Variants in SMG7 observed in about 807,000 individuals in gnomAD.
SMG7 encodes SMG7 nonsense mediated mRNA decay factor, also known as nonsense-mediated mRNA decay factor SMG7.
A neutral mutation model predicts 148.2 loss-of-function variants in SMG7; 34 were observed. The ratio of observed to expected loss-of-function variants is 0.23; its 90% CI spans 0.17 to 0.31. The LOEUF is 0.31. Ranked by LOEUF, SMG7 falls within the 10% of genes least tolerant of loss-of-function variation. The pLI is 1.00. For missense variants in SMG7, 1,114 were observed against 1,408.4 expected (o/e 0.79, Z 3.35); for synonymous variants, 492 against 515.1 (o/e 0.96, Z 0.61).
At chr1:183,472,832 C>T (rs1651023822) in intron 1 of SMG7, 183 bp downstream of exon 1, 2 of 458,262 alleles carry the variant, frequency 4.4e-6, no homozygotes, top group African/African-American at 2.0e-5. Flanking sequence ...GGTGCCTAGC[C>T]CCTACCGCCC....
chr1:183,546,104 C>T lies in SMG7; in HGVS notation c.2509C>T (p.Pro837Ser), dbSNP rs772485924. The T allele has an allele frequency of 1.9e-6, 3 of 1,614,026 alleles. No individual in the cohort carries two copies. The highest frequency in any genetic ancestry group is 2.2e-5 in the South Asian group (2 of 91,074). ...PIKLFEPSLQ[P>S]PVMQQQPLEK... ...AAAACTGTTTGAGCCGTCATTGCAA[C>T]CTCCTGTAATGCAGCAGCAGCCTCT... The change falls in exon 17 of 23, where the codon CCT becomes TCT. Residue 837 changes from proline to serine, a missense_variant. Pro to Ser is a moderately conservative substitution (Grantham distance 74, BLOSUM62 -1). Around this residue, in one of 4 missense-constraint regions of SMG7, gnomAD observed 788 missense variants for 894.5 expected, o/e 0.88. Transcript: ENST00000688051.
intron 4 of SMG7, among the ~76,000 whole-genome samples, chr1:183,521,072 CTTT>C (rs762401861): frequency 3.0e-5 from 4 of 133,256 alleles, no homozygotes; most frequent in Non-Finnish European, 3.3e-5. Context: ...TTTTCACTTG[CTTT>C]TTTTTTTTTT....
At chr1:183,537,356 A>T in intron 11 of SMG7, 141 bp downstream of exon 11, 1 of 641,178 alleles carries the variant, frequency 1.6e-6, no homozygotes, top group South Asian at 1.9e-5. Context: ...ACTCTACATA[A>T]GTGGGTGGGT....
At position 183,552,624 on chromosome 1, in the gene SMG7, G is replaced by A. The variant is rs2102844350; in HGVS notation, c.*693G>A. On this transcript the variant is annotated 3_prime_UTR_variant, in exon 23 of 23. Coordinates refer to ENST00000688051, the MANE Select transcript of SMG7 (RefSeq NM_001375584.1). ...CCTCTGGCCAGGAGACTCCAGCAGG[G>A]AATGCCCTTCACTCTGTAGGTGCTC... The A allele has an allele frequency of 9.5e-7, 1 of 1,050,068 alleles. No individual in the cohort carries two copies. Among genetic ancestry groups the A allele is most frequent in the Non-Finnish European group, 1.2e-6 (1 of 868,922 alleles). The allele number at this position is 1,050,068 out of a possible 1,614,324, so 65.0% of individuals were successfully genotyped here.
chr1:183,528,202 C>CT (rs1666230233), intron 6 of SMG7, among the ~76,000 whole-genome samples, 175 bp downstream of exon 6: 1 of 151,994 alleles, frequency 6.6e-6, no homozygotes, highest in African/African-American at 2.4e-5. Flanking sequence ...ATTTTTTTTA[C>CT]AAGTAAGATG....
At position 183,528,972 on chromosome 1, in the gene SMG7, A is replaced by G. The variant is rs377471057; in HGVS notation, c.637A>G (p.Ile213Val). 73 of 1,613,678 alleles carry G rather than the reference A, an allele frequency of 4.5e-5. No individual in the cohort carries two copies. The highest frequency in any genetic ancestry group is 8.9e-5 in the East Asian group (4 of 44,866). ...LTTIFYYCRS[I>V]AVKFPFPAAS... The stretch of plus-strand genomic sequence containing the variant: ...CACAATTTTCTACTACTGCAGAAGC[A>G]TTGCTGTGAAGTTCCCTTTCCCAGC... Residue 213 changes from isoleucine to valine, a missense_variant, in exon 7 of 23, where the codon ATT becomes GTT. Coordinates refer to ENST00000688051, the MANE Select transcript of SMG7 (RefSeq NM_001375584.1).
At chr1:183,512,982 G>A (rs551285725) in intron 2 of SMG7, 114 bp downstream of exon 2, 53 of 894,930 alleles carry the variant, frequency 5.9e-5, no homozygotes, top group Non-Finnish European at 8.2e-5. Context: ...TTGCCAAAAG[G>A]GATGATCATT....
chr1:183,498,846 T>G (rs1659139423), intron 1 of SMG7, among the ~76,000 whole-genome samples: 1 of 152,236 alleles, frequency 6.6e-6, no homozygotes, highest in Non-Finnish European at 1.5e-5. Context: ...ATGACATGTA[T>G]CCACCGTTGT....
At chr1:183,485,347 A>G (rs1429659224) in intron 1 of SMG7, among the ~76,000 whole-genome samples, 3 of 152,220 alleles carry the variant, frequency 2.0e-5, no homozygotes. Context: ...ATCAGTGTCA[A>G]CCTTCCTAAT....
At chr1:183,502,925 A>C (rs914638926) in intron 1 of SMG7, among the ~76,000 whole-genome samples, 1 of 152,240 alleles carries the variant, frequency 6.6e-6, no homozygotes, top group Non-Finnish European at 1.5e-5. Context: ...ATAATGACAG[A>C]AAATGCAAAG....
intron 4 of SMG7, among the ~76,000 whole-genome samples, chr1:183,526,120 G>A (rs752758855): frequency 2.7e-5 from 4 of 149,078 alleles, no homozygotes; most frequent in Non-Finnish European, 4.4e-5. Flanking sequence ...TAGTTATCCT[G>A]TGAAAGATTA....
At chr1:183,514,917 C>G (rs1229729425) in intron 2 of SMG7, among the ~76,000 whole-genome samples, 5 of 152,222 alleles carry the variant, frequency 3.3e-5, no homozygotes, top group South Asian at 2.1e-4. Flanking sequence ...GCTATAGATG[C>G]TAATAGCAAA....
At position 183,551,699 on chromosome 1, in the gene SMG7, G is replaced by GCT. The variant is rs1473349380; in HGVS notation, c.3451-119_3451-118insCT. The stretch of plus-strand genomic sequence containing the variant: ...TTTTTCTAATAGCTGGATTTTTATG[G>GCT]GGAGTGGGGTTGGGTTTTGGGGCCA... On this transcript the variant is annotated intron_variant, in intron 22 of 22. Transcript: ENST00000688051. The GCT allele has an allele frequency of 2.2e-5, 13 of 589,134 alleles. No homozygotes were observed. In the African/African-American group the frequency reaches 2.5e-4, roughly 11 times the overall value. The allele number at this position is 589,134 out of a possible 1,614,324, so 36.5% of individuals were successfully genotyped here.
At chr1:183,514,885 T>C (rs1663120111) in intron 2 of SMG7, among the ~76,000 whole-genome samples, 1 of 152,196 alleles carries the variant, frequency 6.6e-6, no homozygotes. Flanking sequence ...GGAGATTCTC[T>C]TTGCAAAATA....
At chr1:183,524,221 A>AT (rs1184859811) in intron 4 of SMG7, among the ~76,000 whole-genome samples, 2 of 152,078 alleles carry the variant, frequency 1.3e-5, no homozygotes, top group Admixed American at 6.6e-5. Context: ...TACGGGGACT[A>AT]TAGCACTGCA....
In SMG7 at chr1:183,550,804, C is replaced by T. The variant is rs1386836959; in HGVS notation, c.3187C>T (p.Pro1063Ser). 6.2e-7 allele frequency: 1 copy of T among 1,614,156 alleles called. No homozygotes were observed. Among genetic ancestry groups the T allele is most frequent in the Non-Finnish European group, 8.5e-7 (1 of 1,179,998 alleles). ...TCATTCCTCTAACCCAAGCAGCCTACCCAGCTCTCCTCCAACACACAACCA... is the reference window on the plus strand; with the variant it reads ...TCATTCCTCTAACCCAAGCAGCCTATCCAGCTCTCCTCCAACACACAACCA... The part of the protein sequence containing the change: ...SPHSSNPSSL[P>S]SSPPTHNHNS... The change falls in exon 21 of 23, where the codon CCC becomes TCC. Residue 1063 changes from proline (P) to serine (S), a missense_variant. Around this residue, in one of 4 missense-constraint regions of SMG7, gnomAD observed 788 missense variants for 894.5 expected, o/e 0.88. Transcript: ENST00000688051.
At chr1:183,550,625 C>A in intron 20 of SMG7, 126 bp from the exon 21 acceptor site, 2 of 919,126 alleles carry the variant, frequency 2.2e-6, no homozygotes, top group Non-Finnish European at 3.3e-6. Flanking sequence ...TTTAGTTTCC[C>A]TTTCCTTCAA....
In SMG7 at chr1:183,533,763, A is replaced by G; in HGVS notation, c.1094A>G (p.Lys365Arg). 3.1e-6 allele frequency: 5 copies of G among 1,613,792 alleles called. No individual in the cohort carries two copies. The highest frequency in any genetic ancestry group is 4.2e-6 in the Non-Finnish European group (5 of 1,179,766). ...SYNAYPLPAV[K>R]VSMDWLRLRP... is the part of the protein sequence containing the mutation. ...AATGCCTATCCTCTTCCAGCAGTCA[A>G]GGTCTCCATGGACTGGCTAAGACTC... Residue 365 changes from lysine (K) to arginine (R), a missense_variant, in exon 10 of 23, where the codon AAG becomes AGG. Physicochemically the swap from Lys to Arg is conservative, Grantham distance 26. Coordinates refer to ENST00000688051, the MANE Select transcript of SMG7 (RefSeq NM_001375584.1).
Position 183,542,093 on chromosome 1 carries a change from A to G in SMG7, c.1433A>G (p.Asn478Ser). The change falls in exon 14 of 23, where the codon AAT becomes AGT. Residue 478 changes from asparagine to serine, a missense_variant. Physicochemically the swap from Asn to Ser is conservative, Grantham distance 46. Transcript: ENST00000688051. ...DNQPRLIQCE[N>S]EVGKLLFITE... Reference sequence around the variant, plus strand: ...TTTTTTAGGCTGATTCAGTGTGAAAATGAGGTAGGGAAATTGTTGTTTATC... The same window carrying G: ...TTTTTTAGGCTGATTCAGTGTGAAAGTGAGGTAGGGAAATTGTTGTTTATC... The G allele has an allele frequency of 1.2e-6, 2 of 1,610,392 alleles. No individual in the cohort carries two copies.
Sources: gnomAD v4.1 joint callset for allele counts (sites outside exome capture counted in the v4.1 genomes callset) on GRCh38, gnomAD v4.1.1 for gene constraint, gnomAD v4.1.1 regional missense constraint, MANE v1.5 for transcripts, NCBI Gene and HGNC (gene_info 2026-07-23, HGNC 2026-07-21) for gene names.